The following ATP6V1G1 variants were observed in gnomAD, a reference collection of about 807,000 sequenced individuals.
ATP6V1G1 encodes ATPase H+ transporting V1 subunit G1.
Under a neutral mutation model 14.2 loss-of-function variants are expected in ATP6V1G1, and 14 were observed. That is an observed-to-expected ratio of 0.99 (90% CI 0.65 to 1.55). The LOEUF is 1.55. ATP6V1G1 is among the 40% of genes most tolerant of loss of function. The pLI, the probability that ATP6V1G1 is intolerant of heterozygous loss-of-function variation, is 0.00. For synonymous variants in ATP6V1G1, 65 were observed against 53.3 expected (o/e 1.22, Z -0.96); for missense variants, 137 against 146.4 (o/e 0.94, Z 0.33).
At chr9:114,594,861 C>CTTTTTTTTTTTTTTTTTTTT (rs71997716) in intron 2 of ATP6V1G1, among the ~76,000 whole-genome samples, 1 of 110,580 alleles carries the variant, frequency 9.0e-6, no homozygotes, top group Non-Finnish European at 1.8e-5. Context: ...TTCTTTTTTT[C>CTTTTTTTTTTTTTTTTTTTT]TTTTTTTTTT....
chr9:114,592,690 T>G (rs1325813391), intron 2 of ATP6V1G1, 38 bp downstream of exon 2: 1 of 1,543,892 alleles, frequency 6.5e-7, no homozygotes, highest in Admixed American at 2.0e-5. Flanking sequence ...CTTTAGTTTC[T>G]GATCCCCTGT....
chr9:114,589,183 C>T (rs1231161197), intron 1 of ATP6V1G1, among the ~76,000 whole-genome samples: 1 of 152,312 alleles, frequency 6.6e-6, no homozygotes, highest in Non-Finnish European at 1.5e-5. Flanking sequence ...CTTGGAGTCC[C>T]TCCCAAGTGC....
At chr9:114,596,645 G>C (rs1845241435) in intron 2 of ATP6V1G1, among the ~76,000 whole-genome samples, 2 of 152,030 alleles carry the variant, frequency 1.3e-5, no homozygotes, top group Admixed American at 6.6e-5. Flanking sequence ...TGTTATTCTT[G>C]TTTGGAGATG....
At chr9:114,590,445 A>G (rs1047734177) in intron 1 of ATP6V1G1, among the ~76,000 whole-genome samples, 4 of 151,820 alleles carry the variant, frequency 2.6e-5, no homozygotes, top group African/African-American at 4.8e-5. Context: ...AAAAACATAT[A>G]AATTAATACA....
At chr9:114,591,371 G>A (rs1477526178) in intron 1 of ATP6V1G1, among the ~76,000 whole-genome samples, 1 of 152,188 alleles carries the variant, frequency 6.6e-6, no homozygotes, top group Non-Finnish European at 1.5e-5. Context: ...ACTGCATAAT[G>A]TTCAGGCCAT....
In ATP6V1G1 at chr9:114,593,821, T is replaced by TATTGG. The variant is rs1157190568; in HGVS notation, c.183+1169_183+1170insATTGG. Among the ~76,000 whole-genome samples, 19 of 152,218 alleles carry TATTGG rather than the reference T, an allele frequency of 1.2e-4. No individual in the cohort carries two copies. The South Asian group carries it at 3.9e-3, about 32-fold the overall frequency. On this transcript the variant is annotated intron_variant, in intron 2 of 2. Transcript: ENST00000374050. ...GCCATTAAAACGTGGCTGGGCATAG[T>TATTGG]GACTCACACCTGTAATCCCAATACT...
At chr9:114,595,521 G>A (rs1845229158) in intron 2 of ATP6V1G1, among the ~76,000 whole-genome samples, 1 of 152,200 alleles carries the variant, frequency 6.6e-6, no homozygotes, top group Non-Finnish European at 1.5e-5. Flanking sequence ...GGGCATGGTG[G>A]TGTATACGTG....
chr9:114,588,870 T>G (rs1368722508), intron 1 of ATP6V1G1, among the ~76,000 whole-genome samples: 1 of 150,104 alleles, frequency 6.7e-6, no homozygotes, highest in Non-Finnish European at 1.5e-5. Flanking sequence ...CCCTACCGCC[T>G]TTGTAGTCAG....
intron 1 of ATP6V1G1, among the ~76,000 whole-genome samples, chr9:114,588,533 G>GTT (rs1208863150): frequency 6.6e-6 from 1 of 150,522 alleles, no homozygotes; most frequent in East Asian, 1.9e-4. Flanking sequence ...GTGTGTGTGT[G>GTT]TGTGTGTTTC....
chr9:114,589,653 G>C (rs1234013493), intron 1 of ATP6V1G1, among the ~76,000 whole-genome samples: 1 of 152,216 alleles, frequency 6.6e-6, no homozygotes, highest in East Asian at 1.9e-4. Flanking sequence ...AATATTTCCA[G>C]TCATGCCCTT....
intron 2 of ATP6V1G1, among the ~76,000 whole-genome samples, chr9:114,596,497 A>G (rs1845240190): frequency 6.6e-6 from 1 of 151,470 alleles, no homozygotes; most frequent in Admixed American, 6.6e-5. Context: ...TTCTTTTTTT[A>G]TTCTTCTAGA....
At chr9:114,591,034 T>A (rs1845177702) in intron 1 of ATP6V1G1, among the ~76,000 whole-genome samples, 1 of 152,172 alleles carries the variant, frequency 6.6e-6, no homozygotes, top group Non-Finnish European at 1.5e-5. Flanking sequence ...GACCTTGTGA[T>A]CTGCTCACCT....
rs1285724596 is a variant in ATP6V1G1 at position 114,598,275 on chromosome 9, T to A, written c.*532T>A. 6.6e-6 allele frequency: 1 copy of A among 152,648 alleles called. No homozygotes were observed. The highest frequency in any genetic ancestry group is 1.5e-5 in the Non-Finnish European group (1 of 68,042). The allele number at this position is 152,648 out of a possible 1,614,324, so 9.5% of individuals were successfully genotyped here. A position where few individuals can be genotyped will look rare whatever the true frequency, so the allele number is the denominator to read the frequency against. ...GGAATTGTTTGGGCTGCTTTTAGTT[T>A]CTCTTAATCAAAATTACTAGATGAT... is the stretch of plus-strand genomic sequence containing the variant. On this transcript the variant is annotated 3_prime_UTR_variant, in exon 3 of 3. Transcript: ENST00000374050.
At chr9:114,597,353 G>A (rs1312011338) in intron 2 of ATP6V1G1, among the ~76,000 whole-genome samples, 3 of 152,156 alleles carry the variant, frequency 2.0e-5, no homozygotes, top group African/African-American at 7.2e-5. Flanking sequence ...CCTAGCAGTG[G>A]GAATACTGTG....
At chr9:114,597,236 C>A (rs10817643) in intron 2 of ATP6V1G1, among the ~76,000 whole-genome samples, 5 of 151,446 alleles carry the variant, frequency 3.3e-5, no homozygotes, top group African/African-American at 9.7e-5. Context: ...GTGATCCGCC[C>A]GCCTCGGCCT....
chr9:114,594,379 C>CTT (rs770844786), intron 2 of ATP6V1G1, among the ~76,000 whole-genome samples: 8 of 140,766 alleles, frequency 5.7e-5, no homozygotes, highest in East Asian at 2.1e-4. Flanking sequence ...CCCCCCGCCC[C>CTT]TTTTTTTTTT....
intron 2 of ATP6V1G1, among the ~76,000 whole-genome samples, chr9:114,594,730 A>C (rs1388397204): frequency 1.3e-5 from 2 of 151,898 alleles, no homozygotes; most frequent in Non-Finnish European, 2.9e-5. Flanking sequence ...GCACAGGCCT[A>C]GGAGGTCCCA....
At chr9:114,590,930 G>A (rs1482197656) in intron 1 of ATP6V1G1, among the ~76,000 whole-genome samples, 4 of 152,190 alleles carry the variant, frequency 2.6e-5, no homozygotes, top group African/African-American at 7.2e-5. Flanking sequence ...CGAGTAGCTG[G>A]GACTACAGGT....
rs976045102 is a variant in ATP6V1G1 at position 114,598,408 on chromosome 9, T to A, written c.*665T>A. ...ATTCTTTTTTTTTTCCCTGTCTCCGTGACAACCAGTGGTTCTTCATTTTTG... is the reference window on the plus strand; with the variant it reads ...ATTCTTTTTTTTTTCCCTGTCTCCGAGACAACCAGTGGTTCTTCATTTTTG... On this transcript the variant is annotated 3_prime_UTR_variant, in exon 3 of 3. Transcript: ENST00000374050. The A allele has an allele frequency of 1.3e-5, 2 of 152,618 alleles. No individual in the cohort carries two copies. Among genetic ancestry groups the A allele is most frequent in the African/African-American group, 2.4e-5 (1 of 41,448 alleles). The allele number at this position is 152,618 out of a possible 1,614,324, so 9.5% of individuals were successfully genotyped here.
Sources: gnomAD v4.1 joint callset for allele counts (sites outside exome capture counted in the v4.1 genomes callset) on GRCh38, gnomAD v4.1.1 for gene constraint, MANE v1.5 for transcripts, NCBI Gene and HGNC (gene_info 2026-07-23, HGNC 2026-07-21) for gene names.